ADAMTSL1: variants seen among roughly 807,000 people sequenced by gnomAD.
ADAMTSL1 encodes the protein ADAMTS-like protein 1.
In ADAMTSL1, 126 loss-of-function variants were observed where a neutral mutation model predicts 201.8. The observed-to-expected ratio is 0.62, with a 90% CI of 0.54 to 0.72. The LOEUF (loss-of-function observed/expected upper bound fraction) is 0.72, where lower values mean the gene tolerates loss of function less well. Ranked by LOEUF, ADAMTSL1 falls within the 30% of genes least tolerant of loss-of-function variation. The probability of loss-of-function intolerance (pLI) is 0.00; values close to 1 mark genes in which losing one functional copy is unlikely to be tolerated. For missense variants in ADAMTSL1, 2,679 were observed against 2,277.8 expected, an observed-to-expected ratio of 1.18 and a Z score of -3.59; for synonymous variants, 1,121 against 903.4, an observed-to-expected ratio of 1.24 and a Z score of -4.32.
chr9:18,749,322 G>A (rs539556565), intron 15 of ADAMTSL1, among the ~76,000 whole-genome samples: 1 of 152,292 alleles, frequency 6.6e-6, no homozygotes, highest in Admixed American at 6.5e-5. Flanking sequence ...TCCAAAGGGG[G>A]AAGTATTAAT....
At chr9:18,869,122 C>A (rs766797699) in intron 23 of ADAMTSL1, among the ~76,000 whole-genome samples, 1 of 152,218 alleles carries the variant, frequency 6.6e-6, no homozygotes, top group African/African-American at 2.4e-5. Context: ...GATGCATCTG[C>A]AAGCCAAGGT....
intron 1 of ADAMTSL1, among the ~76,000 whole-genome samples, chr9:18,027,175 A>G (rs78745594): frequency 0.03 from 4,513 of 150,006 alleles, 108 homozygotes; most frequent in African/African-American, 0.073. Context: ...TTTTGATTTC[A>G]TTGGTCCTTT....
intron 1 of ADAMTSL1, among the ~76,000 whole-genome samples, chr9:18,082,475 C>T (rs894529479): frequency 2.0e-5 from 3 of 152,108 alleles, no homozygotes; most frequent in Non-Finnish European, 4.4e-5. Flanking sequence ...GGATGCCCAG[C>T]TAGTTTGTGT....
chr9:18,273,545 T>C (rs1160696520), intron 2 of ADAMTSL1, among the ~76,000 whole-genome samples: 1 of 152,244 alleles, frequency 6.6e-6, no homozygotes, highest in Non-Finnish European at 1.5e-5. Context: ...GTAATTTTGG[T>C]TCTGCAGGCC....
chr9:18,732,038 G>T (rs1474841520), intron 15 of ADAMTSL1, among the ~76,000 whole-genome samples: 3 of 152,140 alleles, frequency 2.0e-5, no homozygotes, highest in African/African-American at 7.2e-5. Context: ...GTAAAACAAA[G>T]ATAATTATCC....
At chr9:18,705,044 C>A (rs939243364) in intron 13 of ADAMTSL1, among the ~76,000 whole-genome samples, 1 of 152,204 alleles carries the variant, frequency 6.6e-6, no homozygotes, top group African/African-American at 2.4e-5. Flanking sequence ...AGCAGACCAC[C>A]CCTGTTCCAC....
chr9:18,301,698 A>C (rs1833716541), intron 2 of ADAMTSL1, among the ~76,000 whole-genome samples: 1 of 152,180 alleles, frequency 6.6e-6, no homozygotes, highest in African/African-American at 2.4e-5. Flanking sequence ...ATGGATAAGG[A>C]GGGACTGCTG....
At chr9:18,113,874 G>C (rs57290508) in intron 1 of ADAMTSL1, among the ~76,000 whole-genome samples, 2,270 of 152,228 alleles carry the variant, frequency 0.015, 26 homozygotes, top group Middle Eastern at 0.075. Flanking sequence ...CCACTTTGTA[G>C]ATGAGGAAAC....
chr9:17,936,028 A>G (rs1324180851), intron 1 of ADAMTSL1, among the ~76,000 whole-genome samples: 1 of 152,200 alleles, frequency 6.6e-6, no homozygotes, highest in Non-Finnish European at 1.5e-5. Flanking sequence ...CTGTTCTTCT[A>G]ACATTGCCAA....
chr9:18,720,942 G>A (rs1198619858), intron 14 of ADAMTSL1, among the ~76,000 whole-genome samples: 1 of 152,196 alleles, frequency 6.6e-6, no homozygotes, highest in Non-Finnish European at 1.5e-5. Context: ...TTCCACGGCT[G>A]TGGTTATTAT....
chr9:18,321,547 A>G (rs1834619756), intron 2 of ADAMTSL1, among the ~76,000 whole-genome samples: 1 of 152,172 alleles, frequency 6.6e-6, no homozygotes, highest in Non-Finnish European at 1.5e-5. Flanking sequence ...TAATCCCAGC[A>G]CTTTGGGAGG....
At chr9:18,802,140 G>A (rs1479132589) in intron 20 of ADAMTSL1, among the ~76,000 whole-genome samples, 2 of 152,016 alleles carry the variant, frequency 1.3e-5, no homozygotes, top group Admixed American at 6.6e-5. Flanking sequence ...CACAGGTGTG[G>A]TGGCACATAC....
At chr9:18,863,572 C>A (rs1827336102) in intron 23 of ADAMTSL1, among the ~76,000 whole-genome samples, 1 of 152,178 alleles carries the variant, frequency 6.6e-6, no homozygotes, top group Non-Finnish European at 1.5e-5. Flanking sequence ...CTTGTCTTCT[C>A]CCACAGCCTT....
intron 4 of ADAMTSL1, among the ~76,000 whole-genome samples, chr9:18,591,400 G>T (rs900916644): frequency 1.3e-5 from 2 of 152,036 alleles, no homozygotes; most frequent in Admixed American, 1.3e-4. Context: ...CTTTCAGTTT[G>T]TGTGCCCTTA....
At chr9:18,290,309 G>A (rs1036477659) in intron 2 of ADAMTSL1, among the ~76,000 whole-genome samples, 1 of 151,760 alleles carries the variant, frequency 6.6e-6, no homozygotes, top group South Asian at 2.1e-4. Flanking sequence ...TGCTGCAGGG[G>A]TGTGGAGAAA....
At chr9:18,265,892 A>G (rs1372681529) in intron 2 of ADAMTSL1, among the ~76,000 whole-genome samples, 1 of 152,178 alleles carries the variant, frequency 6.6e-6, no homozygotes, top group Non-Finnish European at 1.5e-5. Context: ...CATAAATATC[A>G]CCTAGAATGA....
At chr9:18,634,152 C>T (rs560124545) in intron 5 of ADAMTSL1, among the ~76,000 whole-genome samples, 1 of 152,056 alleles carries the variant, frequency 6.6e-6, no homozygotes, top group Non-Finnish European at 1.5e-5. Context: ...AAACTAAATT[C>T]TCCTAAAGAT....
At chr9:18,091,159 A>AT (rs1824002424) in intron 1 of ADAMTSL1, among the ~76,000 whole-genome samples, 5 of 151,850 alleles carry the variant, frequency 3.3e-5, no homozygotes, top group Admixed American at 6.6e-5. Context: ...GCCCCACGGT[A>AT]CTGTTTTTTG....
intron 4 of ADAMTSL1, among the ~76,000 whole-genome samples, chr9:18,617,793 T>C (rs1587716902): frequency 1.3e-5 from 2 of 152,308 alleles, no homozygotes; most frequent in Admixed American, 1.3e-4. Context: ...TTCTTGGAGC[T>C]TCTTACTTTT....
Sources: gnomAD v4.1 joint callset for allele counts (sites outside exome capture counted in the v4.1 genomes callset) on GRCh38, gnomAD v4.1.1 for gene constraint, MANE v1.5 for transcripts, NCBI Gene and HGNC (gene_info 2026-07-23, HGNC 2026-07-21) for gene names.